The following MTA1 variants were observed in gnomAD, a reference collection of about 807,000 sequenced individuals.
MTA1 encodes the protein metastasis-associated protein MTA1.
MTA1 carries 15 observed loss-of-function variants against 97.0 expected under a neutral mutation model. The observed-to-expected ratio is 0.15, with a 90% CI of 0.10 to 0.24. MTA1 has a LOEUF of 0.24. Among genes scored for constraint, MTA1 ranks in the 10% least tolerant of loss-of-function variants. The pLI is 1.00. For missense variants in MTA1, 709 were observed against 1,015.1 expected (o/e 0.70, Z 4.10); for synonymous variants, 435 against 417.5 (o/e 1.04, Z -0.51).
chr14:105,447,217 C>T lies in MTA1; in HGVS notation c.190+1706C>T, dbSNP rs587665168. Reference sequence around the variant, plus strand: ...TCGCTGGAGAAGCAGTGGTGGGGAGCGGGCTGGCCCGCTGGAGAAGCAGTG... The same window carrying T: ...TCGCTGGAGAAGCAGTGGTGGGGAGTGGGCTGGCCCGCTGGAGAAGCAGTG... On this transcript the variant is annotated intron_variant, in intron 3 of 20. Transcript: ENST00000331320. Among the ~76,000 whole-genome samples the T allele has an allele frequency of 2.6e-5, 4 of 151,598 alleles. No individual in the cohort carries two copies. In the East Asian group the frequency reaches 5.8e-4, roughly 22 times the overall value.
chr14:105,463,701 G>A lies in MTA1; in HGVS notation c.1076+150G>A, dbSNP rs892820083. ...CCCCGGGAGGGCGGCCCAGGGCTGG[G>A]GGGTTCTGGCTGCAGACGCAGTGGC... On this transcript the variant is annotated intron_variant, in intron 12 of 20. Coordinates refer to ENST00000331320, the MANE Select transcript of MTA1 (RefSeq NM_004689.4). The surrounding 1 kb of genome is among the most constrained non-coding windows in gnomAD (Gnocchi z 5.9). The A allele has an allele frequency of 4.6e-5, 34 of 742,388 alleles. No individual in the cohort carries two copies. The highest frequency in any genetic ancestry group is 6.9e-5 in the Non-Finnish European group (31 of 448,270). 46.0% of individuals were successfully genotyped at this position (742,388 alleles called of 1,614,324 possible). A position where few individuals can be genotyped will look rare whatever the true frequency, so the allele number is the denominator to read the frequency against.
intron 16 of MTA1, 119 bp downstream of exon 16, chr14:105,465,302 G>T (rs2083525701): frequency 2.3e-6 from 2 of 862,554 alleles, no homozygotes; most frequent in South Asian, 4.7e-5. Flanking sequence ...AGCCCCCCAG[G>T]GCCTGGAACT....
At chr14:105,437,751 G>C (rs941048802) in intron 1 of MTA1, among the ~76,000 whole-genome samples, 17 of 152,372 alleles carry the variant, frequency 1.1e-4, no homozygotes, top group African/African-American at 3.8e-4. Flanking sequence ...AGCTGATGCA[G>C]GGTGGGCTGG....
rs1488006101 is a variant in MTA1, at chr14:105,445,420, G to A, written c.99G>A (p.Thr33=). 5.0e-6 allele frequency: 8 copies of A among 1,613,526 alleles called. No individual in the cohort carries two copies. Among genetic ancestry groups the A allele is most frequent in the African/African-American group, 2.7e-5 (2 of 74,920 alleles). ...LIRRIEELNK[T]ANGNVEAKVV... ...ACGCCCCTGCCTTGCTGTTACAGAC[G>A]GCCAATGGGAACGTGGAGGCCAAAG... is the stretch of plus-strand genomic sequence containing the variant. Residue 33 remains threonine (T), a splice_region_variant and synonymous_variant, in exon 3 of 21, where the codon ACG becomes ACA. Transcript: ENST00000331320.
intron 7 of MTA1, chr14:105,454,553 G>A (rs2083069515): frequency 9.3e-6 from 4 of 431,314 alleles, no homozygotes; most frequent in Admixed American, 3.5e-5. Context: ...CAGGCAGGAC[G>A]TGGTGATCAG....
intron 3 of MTA1, among the ~76,000 whole-genome samples, chr14:105,447,352 C>G (rs978718389): frequency 4.6e-5 from 7 of 152,190 alleles, no homozygotes; most frequent in Admixed American, 1.3e-4. Flanking sequence ...GATCCTGTCT[C>G]TGTCCTCTGG....
chr14:105,462,595 G>A (rs937285243), intron 10 of MTA1, among the ~76,000 whole-genome samples: 1 of 151,648 alleles, frequency 6.6e-6, no homozygotes, highest in Admixed American at 6.6e-5. Context: ...TGAGATGGCC[G>A]GGCATGGTGG....
intron 8 of MTA1, among the ~76,000 whole-genome samples, 164 bp from the exon 9 acceptor site, chr14:105,460,194 G>A (rs1555430669): frequency 6.9e-6 from 1 of 144,460 alleles, no homozygotes; most frequent in Non-Finnish European, 1.5e-5. Context: ...CCTGGGGGAA[G>A]TCCGTGCTGC....
At chr14:105,440,514 C>T (rs1381471570) in intron 2 of MTA1, among the ~76,000 whole-genome samples, 7 of 152,362 alleles carry the variant, frequency 4.6e-5, no homozygotes, top group Non-Finnish European at 1.0e-4. Context: ...GTGCTGCTTC[C>T]GGCTTCCATG....
At chr14:105,440,840 G>A (rs1470234029) in intron 2 of MTA1, among the ~76,000 whole-genome samples, 2 of 152,244 alleles carry the variant, frequency 1.3e-5, no homozygotes, top group African/African-American at 2.4e-5. Context: ...AGCTCCAGGC[G>A]GGGCTTCCAG....
At chr14:105,441,262 C>T (rs587641368) in intron 2 of MTA1, among the ~76,000 whole-genome samples, 2 of 137,324 alleles carry the variant, frequency 1.5e-5, no homozygotes, top group African/African-American at 3.6e-5. Flanking sequence ...CCTGGTGGGC[C>T]CCCCCGCCCC....
chr14:105,447,435 C>G (rs1458698538), intron 3 of MTA1, among the ~76,000 whole-genome samples: 2 of 152,198 alleles, frequency 1.3e-5, no homozygotes, highest in Admixed American at 6.5e-5. Context: ...GGTACTGTGG[C>G]CCCCTTGGCT....
chr14:105,460,290 G>A, intron 8 of MTA1, 68 bp from the exon 9 acceptor site: 1 of 1,434,290 alleles, frequency 7.0e-7, no homozygotes, highest in Middle Eastern at 2.1e-4. Context: ...CTGGCGCCTG[G>A]GGAGCGGTGT....
rs1431288957 is a variant in MTA1 at position 105,419,905 on chromosome 14, C to T, written c.-131C>T. ...GCCTCGGCGGCGGCGGCGGCGGCGG[C>T]GGCGGCAGCAGCGCGGCCCCTTTAA... is the stretch of plus-strand genomic sequence containing the variant. On this transcript the variant is annotated 5_prime_UTR_variant, in exon 1 of 21. Transcript: ENST00000331320. The T allele has an allele frequency of 8.2e-6, 2 of 242,630 alleles. No homozygotes were observed. Among genetic ancestry groups the T allele is most frequent in the African/African-American group, 2.4e-5 (1 of 42,480 alleles). 15.0% of individuals were successfully genotyped at this position (242,630 alleles called of 1,614,324 possible). A position where few individuals can be genotyped will look rare whatever the true frequency, so the allele number is the denominator to read the frequency against.
At chr14:105,467,132 C>CG (rs1567048529) in intron 18 of MTA1, 1 of 385,838 alleles carries the variant, frequency 2.6e-6, no homozygotes, top group Admixed American at 4.1e-5. Flanking sequence ...GGAGGGTGGT[C>CG]GGGGGTGTCT....
Position 105,444,112 on chromosome 14 carries a change from G to T in MTA1, c.97-1306G>T, listed in dbSNP as rs190987784. ...AAAAAGGCCGGGTGCGGTGGCTCAC[G>T]CCTGTAACCCCAGCACTTTGAGAGA... On this transcript the variant is annotated intron_variant, in intron 2 of 20. Coordinates refer to ENST00000331320, the MANE Select transcript of MTA1 (RefSeq NM_004689.4). Among the ~76,000 whole-genome samples, 370 of 150,920 alleles carry T rather than the reference G, an allele frequency of 2.5e-3. 1 individual carries two copies. The highest frequency in any genetic ancestry group is 8.6e-3 in the African/African-American group (353 of 40,982).
Position 105,470,009 on chromosome 14 carries a change from G to A in MTA1, c.1997+17G>A. The A allele has an allele frequency of 1.2e-6, 2 of 1,612,456 alleles. No homozygotes were observed. On this transcript the variant is annotated intron_variant, in intron 20 of 20. Coordinates refer to ENST00000331320, the MANE Select transcript of MTA1 (RefSeq NM_004689.4). ...GGAGACCAGGTGGGGCCTTCCCAGG[G>A]CAGGCGGGAGGGCTCCGCACAGCGT...
At chr14:105,462,734 TGA>T (rs1179034934) in intron 10 of MTA1, among the ~76,000 whole-genome samples, 1 of 151,790 alleles carries the variant, frequency 6.6e-6, no homozygotes, top group African/African-American at 2.4e-5. Flanking sequence ...CCGGGTGTGT[TGA>T]GAGGTGCCTG....
At chr14:105,432,862 CTG>C (rs1438632382) in intron 1 of MTA1, among the ~76,000 whole-genome samples, 5 of 152,182 alleles carry the variant, frequency 3.3e-5, no homozygotes, top group African/African-American at 7.2e-5. Context: ...TGGGCTCACA[CTG>C]TGGTTACAGC....
Sources: allele counts gnomAD v4.1 joint callset (sites outside exome capture counted in the v4.1 genomes callset), GRCh38; gene constraint gnomAD v4.1.1; non-coding constraint Gnocchi (gnomAD v3.1); transcripts MANE v1.5; gene names NCBI Gene and HGNC (gene_info 2026-07-23, HGNC 2026-07-21).